CCDC57: variants seen among roughly 807,000 people sequenced by gnomAD.
CCDC57 encodes the protein coiled-coil domain containing 57.
CCDC57 carries 118 observed loss-of-function variants against 118.9 expected under a neutral mutation model. The ratio of observed to expected loss-of-function variants is 0.99; its 90% confidence interval spans 0.86 to 1.16. CCDC57 has a LOEUF of 1.16. CCDC57 is among the 50% of genes most tolerant of loss of function. CCDC57 has a pLI of 0.00. For synonymous variants in CCDC57, 527 were observed against 532.9 expected (o/e 0.99, Z 0.15); for missense variants, 1,300 against 1,320.7 (o/e 0.98, Z 0.24).
intron 15 of CCDC57, chr17:82,153,367 A>T (rs1210028384): frequency 1.3e-5 from 2 of 152,242 alleles, no homozygotes; most frequent in Non-Finnish European, 2.9e-5. Context: ...GCAAACCTCA[A>T]AACACTTAGA....
At chr17:82,130,699 C>T (rs1282427216) in intron 17 of CCDC57, among the ~76,000 whole-genome samples, 10 of 138,262 alleles carry the variant, frequency 7.2e-5, no homozygotes, top group African/African-American at 2.7e-4. Context: ...GATGGGGTTT[C>T]ATCATGTTGG....
chr17:82,163,123 C>T lies in CCDC57; in HGVS notation c.2040+77G>A, dbSNP rs1599052881. 8.4e-6 allele frequency: 13 copies of T among 1,550,514 alleles called. No individual in the cohort carries two copies. The East Asian group carries it at 2.9e-4, about 35-fold the overall frequency. On this transcript the variant is annotated intron_variant, in intron 14 of 19. Coordinates refer to ENST00000665763, the Ensembl canonical transcript of CCDC57. Reference sequence around the variant, plus strand: ...CGAGGTCACCTGGGGTCGCACCGGGCAGCCGCTCAGAGCCCACGCGCTCTC... The same window carrying T: ...CGAGGTCACCTGGGGTCGCACCGGGTAGCCGCTCAGAGCCCACGCGCTCTC...
At chr17:82,123,419 G>A (rs1362654632) in intron 19 of CCDC57, among the ~76,000 whole-genome samples, 2 of 149,874 alleles carry the variant, frequency 1.3e-5, no homozygotes, top group African/African-American at 2.5e-5. Flanking sequence ...GTGAGCCACC[G>A]CCCGGCCTAT....
At position 82,194,307 on chromosome 17, in the gene CCDC57, G is replaced by T; in HGVS notation, c.619-168C>A. On this transcript the variant is annotated intron_variant, in intron 5 of 19. Transcript: ENST00000665763. ...TAACACAACTCAAACGAGACTCAAT[G>T]ACTTTTTTTTTTTTCTTTTTGGAGA... The T allele has an allele frequency of 5.3e-6, 3 of 570,364 alleles. No individual in the cohort carries two copies. In the South Asian group the frequency reaches 8.1e-5, roughly 15 times the overall value. 35.3% of individuals were successfully genotyped at this position (570,364 alleles called of 1,614,324 possible).
intron 19 of CCDC57, among the ~76,000 whole-genome samples, chr17:82,119,882 T>C (rs2036438813): frequency 6.6e-6 from 1 of 152,106 alleles, no homozygotes; most frequent in Non-Finnish European, 1.5e-5. Context: ...AAGAGCCGCA[T>C]CCAGGGTGTA....
chr17:82,108,516 T>C (rs1029153707), intron 19 of CCDC57, among the ~76,000 whole-genome samples: 1 of 152,240 alleles, frequency 6.6e-6, no homozygotes, highest in Admixed American at 6.5e-5. Flanking sequence ...TATCGCTGGC[T>C]CTGAGTTTTA....
At chr17:82,187,132 G>A (rs1389814058) in intron 8 of CCDC57, among the ~76,000 whole-genome samples, 1 of 151,200 alleles carries the variant, frequency 6.6e-6, no homozygotes, top group Non-Finnish European at 1.5e-5. Flanking sequence ...AGCTACTTGG[G>A]AGGCTGAGGC....
rs147980365 is a variant in CCDC57, at chr17:82,149,509, A to G, written c.2455+2051T>C. On this transcript the variant is annotated intron_variant, in intron 16 of 19. Transcript: ENST00000665763. ...TGCGGCCATCTTCGCTGCTCACCAC[A>G]GAGCCGCACAGAAATGCCGGCTGCT... Among the ~76,000 whole-genome samples the G allele has an allele frequency of 1.5e-4, 23 of 152,210 alleles. No homozygotes were observed. The East Asian group carries it at 4.4e-3, about 29-fold the overall frequency.
At chr17:82,176,729 T>A (rs543729807) in intron 11 of CCDC57, among the ~76,000 whole-genome samples, 17 of 152,114 alleles carry the variant, frequency 1.1e-4, no homozygotes, top group Non-Finnish European at 2.2e-4. Flanking sequence ...TACAACTCCC[T>A]TTTTTTGGAG....
rs1433691209 is a variant in CCDC57 at position 82,113,800 on chromosome 17, G to C, written c.2900-11934C>G. The C allele has an allele frequency of 6.3e-6, 4 of 632,688 alleles. No homozygotes were observed. The South Asian group carries it at 7.3e-5, about 12-fold the overall frequency. 39.2% of individuals were successfully genotyped at this position (632,688 alleles called of 1,614,324 possible). A position where few individuals can be genotyped will look rare whatever the true frequency, so the allele number is the denominator to read the frequency against. On this transcript the variant is annotated intron_variant, in intron 19 of 19. Transcript: ENST00000665763. ...AATAAAATAACATGTAAAAAGATTA[G>C]CCAGCTATGGTGATGTGCACCTGTA...
chr17:82,101,531 T>G, exon 20 of CCDC57: 4 of 637,328 alleles, frequency 6.3e-6, no homozygotes, highest in East Asian at 2.9e-5. Context: ...GTCAGCAGGG[T>G]CGCCTCAGCA....
intron 17 of CCDC57, among the ~76,000 whole-genome samples, chr17:82,129,572 T>C (rs1230795123): frequency 6.6e-6 from 1 of 152,214 alleles, no homozygotes; most frequent in Non-Finnish European, 1.5e-5. Context: ...TGAGGTCTGA[T>C]GTAAGGTCCC....
At chr17:82,154,880 C>T (rs2042501224) in intron 15 of CCDC57, 1 of 152,506 alleles carries the variant, frequency 6.6e-6, no homozygotes, top group East Asian at 1.9e-4. Context: ...TCCCACCTGG[C>T]ATTTCTACAT....
chr17:82,129,039 C>T (rs1335816144), intron 17 of CCDC57, among the ~76,000 whole-genome samples: 1 of 152,162 alleles, frequency 6.6e-6, no homozygotes, highest in African/African-American at 2.4e-5. Context: ...CTGTCTCAGC[C>T]TCCCAAGTAG....
chr17:82,116,432 G>A (rs2035928893), intron 19 of CCDC57, among the ~76,000 whole-genome samples: 1 of 152,036 alleles, frequency 6.6e-6, no homozygotes, highest in South Asian at 2.1e-4. Context: ...CCCCAATCTT[G>A]ATGAGGCTCT....
Position 82,179,013 on chromosome 17 carries a change from G to C in CCDC57, c.1374+14C>G. On this transcript the variant is annotated intron_variant, in intron 10 of 19. Coordinates refer to ENST00000665763, the Ensembl canonical transcript of CCDC57. ...GACGCCGAGAAGGCCCCAGGCCCTG[G>C]TGGCCGCACACACCTGACTTTTTGC... 1 of 1,611,626 alleles carries C rather than the reference G, an allele frequency of 6.2e-7. No individual in the cohort carries two copies. The highest frequency in any genetic ancestry group is 8.5e-7 in the Non-Finnish European group (1 of 1,178,644).
rs71166189 is a variant in CCDC57 at position 82,133,431 on chromosome 17, C to CAAA, written c.2577+639_2577+641dup. ...TGGGTGACAGAGCCAGGCCCTGTCT[C>CAAA]AAAAAAAAAAAAAAAAAAAAAAAAT... On this transcript the variant is annotated intron_variant, in intron 17 of 19. Transcript: ENST00000665763. Among the ~76,000 whole-genome samples the CAAA allele has an allele frequency of 1.2e-3, 45 of 38,380 alleles. 2 individuals carry two copies. The highest frequency in any genetic ancestry group is 2.8e-3 in the African/African-American group (27 of 9,714). 25.2% of individuals were successfully genotyped at this position (38,380 alleles called of 152,430 possible).
chr17:82,102,554 T>C (rs774081562), intron 19 of CCDC57, among the ~76,000 whole-genome samples: 8 of 152,112 alleles, frequency 5.3e-5, no homozygotes, highest in Non-Finnish European at 1.0e-4. Flanking sequence ...ATGTGGGGGT[T>C]TTTTTTGGTA....
intron 14 of CCDC57, among the ~76,000 whole-genome samples, chr17:82,159,832 C>T (rs565706806): frequency 2.0e-5 from 3 of 151,910 alleles, no homozygotes; most frequent in East Asian, 1.9e-4. Context: ...CCACCACACC[C>T]GGCTCATCTT....
Sources: allele counts gnomAD v4.1 joint callset (sites outside exome capture counted in the v4.1 genomes callset), GRCh38; gene constraint gnomAD v4.1.1; transcripts MANE v1.5; gene names NCBI Gene and HGNC (gene_info 2026-07-23, HGNC 2026-07-21).